Variants in CORO7 observed in about 807,000 individuals in gnomAD.
CORO7 encodes the protein coronin-7.
A neutral mutation model predicts 126.6 loss-of-function variants in CORO7; 107 were observed. The ratio of observed to expected loss-of-function variants is 0.85; its 90% confidence interval spans 0.72 to 0.99. CORO7 has a LOEUF of 0.99. Ranked by LOEUF, CORO7 falls within the 50% of genes least tolerant of loss-of-function variation. The pLI is 0.00. For missense variants in CORO7, 1,314 were observed against 1,255.8 expected, an observed-to-expected ratio of 1.05 and a Z score of -0.70; for synonymous variants, 603 against 536.8, an observed-to-expected ratio of 1.12 and a Z score of -1.70.
At chr16:4,397,015 C>G (rs1424130718) in intron 6 of CORO7, among the ~76,000 whole-genome samples, 1 of 120,266 alleles carries the variant, frequency 8.3e-6, no homozygotes, top group Admixed American at 8.6e-5. Flanking sequence ...GACTCAATCT[C>G]AAAAAAAAAA....
intron 6 of CORO7, among the ~76,000 whole-genome samples, chr16:4,401,546 G>A (rs959379207): frequency 3.9e-5 from 6 of 152,212 alleles, no homozygotes; most frequent in Non-Finnish European, 8.8e-5. Context: ...CAGAGGGATG[G>A]CGAGGGACAG....
In CORO7 at chr16:4,359,585, C is replaced by T. The variant is rs1313031811; in HGVS notation, c.2145G>A (p.Glu715=). 1.2e-5 allele frequency: 19 copies of T among 1,610,948 alleles called. No individual in the cohort carries two copies. Among genetic ancestry groups the T allele is most frequent in the Non-Finnish European group, 1.3e-5 (15 of 1,178,404 alleles). ...SERQLLLYEA[E]ALAGGPLAVL... ...CTGCCAAGGGTCCGCCGGCCAGGGC[C>T]TCAGCTTCATATAGGAGCAGCTGGC... Residue 715 remains glutamate, a synonymous_variant, in exon 22 of 28, where the codon GAG becomes GAA. Transcript: ENST00000251166.
In CORO7 at chr16:4,358,374, C is replaced by T. The variant is rs768577818; in HGVS notation, c.2450G>A (p.Arg817Gln). 1.1e-5 allele frequency: 17 copies of T among 1,612,318 alleles called. No homozygotes were observed. Among genetic ancestry groups the T allele is most frequent in the South Asian group, 7.7e-5 (7 of 91,018 alleles). ...CCAGGTCCCCACCCTCACCCGGACTCGGGGCAGCCGGAAGGCCACAGGCTC... is the reference window on the plus strand; with the variant it reads ...CCAGGTCCCCACCCTCACCCGGACTTGGGGCAGCCGGAAGGCCACAGGCTC... Reference protein sequence around the residue: ...SLEPVAFRLPRVRKEFFQDDV... With the variant: ...SLEPVAFRLPQVRKEFFQDDV... Residue 817 changes from arginine to glutamine, a missense_variant, in exon 24 of 28, where the codon CGA becomes CAA. Physicochemically the swap from Arg to Gln is conservative, Grantham distance 43 (BLOSUM62 1). Coordinates refer to ENST00000251166, the MANE Select transcript of CORO7 (RefSeq NM_024535.5).
chr16:4,410,155 T>G (rs185148152), intron 3 of CORO7, among the ~76,000 whole-genome samples: 101 of 152,288 alleles, frequency 6.6e-4, no homozygotes, highest in African/African-American at 2.0e-3. Flanking sequence ...CCAGGTACAT[T>G]GGCTCATGCC....
chr16:4,379,358 C>T (rs909374214), intron 9 of CORO7, among the ~76,000 whole-genome samples: 17 of 152,062 alleles, frequency 1.1e-4, no homozygotes, highest in African/African-American at 3.9e-4. Context: ...CAGCGGTCTC[C>T]CCAGGAGTCT....
At position 4,355,170 on chromosome 16, in the gene CORO7, C is replaced by G; in HGVS notation, c.2773-7G>C. ...ACGGGGGCGCAGGCTAGTCCTGGGG[C>G]GAAACACCAAGAGGTGGGAGGGAGT... On this transcript the variant is annotated splice_region_variant and splice_polypyrimidine_tract_variant and intron_variant, in intron 27 of 27. Coordinates refer to ENST00000251166, the MANE Select transcript of CORO7 (RefSeq NM_024535.5). The G allele has an allele frequency of 6.5e-7, 1 of 1,538,662 alleles. No homozygotes were observed. Among genetic ancestry groups the G allele is most frequent in the Non-Finnish European group, 8.8e-7 (1 of 1,138,756 alleles).
chr16:4,366,499 C>T (rs1170027973), intron 9 of CORO7, among the ~76,000 whole-genome samples: 1 of 151,074 alleles, frequency 6.6e-6, no homozygotes, highest in African/African-American at 2.4e-5. Context: ...CCCAGATGCC[C>T]AGTTGCCTTC....
chr16:4,383,801 G>T (rs1055768252), intron 9 of CORO7, among the ~76,000 whole-genome samples: 1 of 152,244 alleles, frequency 6.6e-6, no homozygotes, highest in Non-Finnish European at 1.5e-5. Context: ...GCCCATGTGC[G>T]GCTGGGAGAG....
At chr16:4,363,543 A>G (rs957044612) in intron 14 of CORO7, among the ~76,000 whole-genome samples, 4 of 150,574 alleles carry the variant, frequency 2.7e-5, no homozygotes, top group African/African-American at 9.8e-5. Context: ...CATCTCTACT[A>G]AAGATACTAA....
rs1360439513 is a variant in CORO7 at position 4,362,870 on chromosome 16, C to G, written c.1276-132G>C. On this transcript the variant is annotated intron_variant, in intron 14 of 27. Transcript: ENST00000251166. This position sits in a 1 kb window ranked among gnomAD's most constrained non-coding sequence, Gnocchi z 5.3. Reference sequence around the variant, plus strand: ...AGGAGCCCCCACTGTGGGCATGCGACAGGAGCGGCGGGGGGCACGGGCATA... The same window carrying G: ...AGGAGCCCCCACTGTGGGCATGCGAGAGGAGCGGCGGGGGGCACGGGCATA... The G allele has an allele frequency of 2.7e-6, 3 of 1,117,558 alleles. No homozygotes were observed. Among genetic ancestry groups the G allele is most frequent in the Non-Finnish European group, 3.4e-6 (3 of 876,896 alleles). The allele number at this position is 1,117,558 out of a possible 1,614,324, so 69.2% of individuals were successfully genotyped here. A position where few individuals can be genotyped will look rare whatever the true frequency, so the allele number is the denominator to read the frequency against.
chr16:4,395,192 G>A (rs1244328590), intron 7 of CORO7, 97 bp downstream of exon 7: 39 of 1,564,956 alleles, frequency 2.5e-5, no homozygotes, highest in African/African-American at 5.4e-5. Flanking sequence ...ATGTCTGCCA[G>A]GACCCCAGGC....
chr16:4,364,380 GC>G lies in CORO7; in HGVS notation c.1170del (p.His392ThrfsTer23), dbSNP rs1340034217. On this transcript the variant is annotated frameshift_variant, in exon 14 of 28. Coordinates refer to ENST00000251166, the MANE Select transcript of CORO7 (RefSeq NM_024535.5). LOFTEE classifies it high-confidence loss of function. ...VQKVSLNPAC[R>X]PHPSFTSCLV... ...AGACAGGAAGTGAAGCTCGGGTGGGGCCGGCAGGCGGGGTTGAGGCTGACCT... is the reference window on the plus strand; with the variant it reads ...AGACAGGAAGTGAAGCTCGGGTGGGGCGGCAGGCGGGGTTGAGGCTGACCT... 6.6e-7 allele frequency: 1 copy of G among 1,515,416 alleles called. No individual in the cohort carries two copies. The highest frequency in any genetic ancestry group is 2.3e-5 in the East Asian group (1 of 43,748). 93.9% of individuals were successfully genotyped at this position (1,515,416 alleles called of 1,614,324 possible). A position where few individuals can be genotyped will look rare whatever the true frequency, so the allele number is the denominator to read the frequency against.
chr16:4,416,058 G>C (rs2056399263), intron 1 of CORO7: 1 of 259,934 alleles, frequency 3.8e-6, no homozygotes, highest in Non-Finnish European at 6.2e-6. Flanking sequence ...GGGCAGGGGC[G>C]ACCCGGGGCG....
chr16:4,359,466 C>T lies in CORO7; in HGVS notation c.2250+14G>A, dbSNP rs886157280. ...CACCTCTCACCTGCCATCCCGCCCT[C>T]CAGCCCAGCCCACCTTGCCGGTCAG... On this transcript the variant is annotated intron_variant, in intron 22 of 27. Coordinates refer to ENST00000251166, the MANE Select transcript of CORO7 (RefSeq NM_024535.5). 2 of 1,613,404 alleles carry T rather than the reference C, an allele frequency of 1.2e-6. No homozygotes were observed. Among genetic ancestry groups the T allele is most frequent in the Non-Finnish European group, 1.7e-6 (2 of 1,179,984 alleles).
At chr16:4,380,556 G>A (rs968413039) in intron 9 of CORO7, among the ~76,000 whole-genome samples, 9 of 152,334 alleles carry the variant, frequency 5.9e-5, no homozygotes, top group African/African-American at 1.4e-4. Flanking sequence ...CTCTGAGGCA[G>A]GGGATGGGGG....
intron 7 of CORO7, among the ~76,000 whole-genome samples, chr16:4,390,562 C>T (rs2055351982): frequency 1.3e-5 from 2 of 152,182 alleles, no homozygotes; most frequent in Admixed American, 6.5e-5. Context: ...CAGAGAGACC[C>T]GCTCAGCCAG....
chr16:4,365,082 C>A, intron 10 of CORO7, 22 bp from the exon 11 acceptor site: 1 of 1,583,368 alleles, frequency 6.3e-7, no homozygotes. Flanking sequence ...CTGAACTGAG[C>A]CCCGTTTGCT....
chr16:4,382,872 AC>A, intron 9 of CORO7: 1 of 1,555,130 alleles, frequency 6.4e-7, no homozygotes, highest in Admixed American at 1.9e-5. Flanking sequence ...GCCTCCAGTC[AC>A]CCCTCCACGC....
intron 7 of CORO7, among the ~76,000 whole-genome samples, chr16:4,392,271 G>C (rs2141275630): frequency 6.6e-6 from 1 of 152,274 alleles, no homozygotes; most frequent in South Asian, 2.1e-4. Context: ...GCGGCAGTGG[G>C]GGTCCTGGGG....
Sources: gnomAD v4.1 joint callset for allele counts (sites outside exome capture counted in the v4.1 genomes callset) on GRCh38, gnomAD v4.1.1 for gene constraint, Gnocchi (gnomAD v3.1) non-coding constraint, MANE v1.5 for transcripts, NCBI Gene and HGNC (gene_info 2026-07-23, HGNC 2026-07-21) for gene names.